CUL1: variants seen among roughly 807,000 people sequenced by gnomAD.
CUL1 encodes cullin 1, also known as cullin-1.
A neutral mutation model predicts 118.0 loss-of-function variants in CUL1; 24 were observed. The ratio of observed to expected loss-of-function variants is 0.20; its 90% confidence interval spans 0.15 to 0.29. CUL1 has a LOEUF of 0.29. Ranked by LOEUF, CUL1 falls within the 10% of genes least tolerant of loss-of-function variation. The pLI is 1.00. For synonymous variants in CUL1, 332 were observed against 340.4 expected (o/e 0.98, Z 0.27); for missense variants, 361 against 933.8 (o/e 0.39, Z 7.99).
Position 148,788,631 on chromosome 7 carries a change from C to T in CUL1, c.1554C>T (p.Asn518=), listed in dbSNP as rs202040105. The T allele has an allele frequency of 6.9e-5, 111 of 1,614,100 alleles. 1 individual carries two copies. The highest frequency in any genetic ancestry group is 1.3e-4 in the South Asian group (12 of 91,078). The part of the protein sequence containing the change: ...FQDIGVSKDL[N]EQFKKHLTNS... ...ACATTGGCGTGAGCAAAGATCTGAA[C>T]GAGCAATTCAAAAAGCACTTGACAA... Residue 518 remains asparagine, a synonymous_variant, in exon 14 of 22, where the codon AAC becomes AAT. Transcript: ENST00000325222.
Position 148,787,641 on chromosome 7 carries a change from C to T in CUL1, c.1479+521C>T, listed in dbSNP as rs1327204716. Among the ~76,000 whole-genome samples the T allele has an allele frequency of 6.6e-6, 1 of 152,108 alleles. No homozygotes were observed. Among genetic ancestry groups the T allele is most frequent in the African/African-American group, 2.4e-5 (1 of 41,416 alleles). On this transcript the variant is annotated intron_variant, in intron 13 of 21. Transcript: ENST00000325222. The surrounding 1 kb of genome is among the most constrained non-coding windows in gnomAD (Gnocchi z 5.5). ...CTTCCCCACCCCACTGTGGGGCTTC[C>T]ATCCTACCCAGGCCTGGCTGGGCTC...
At chr7:148,716,135 G>A (rs1798207572) in intron 1 of CUL1, among the ~76,000 whole-genome samples, 1 of 151,974 alleles carries the variant, frequency 6.6e-6, no homozygotes, top group East Asian at 1.9e-4. Context: ...GCTCCAAGAT[G>A]TTCTTCTAGA....
intron 1 of CUL1, among the ~76,000 whole-genome samples, chr7:148,716,943 G>A (rs1798232712): frequency 6.6e-6 from 1 of 152,122 alleles, no homozygotes; most frequent in Non-Finnish European, 1.5e-5. Flanking sequence ...TAGGTCAAAG[G>A]GTAAATGCAT....
intron 4 of CUL1, among the ~76,000 whole-genome samples, chr7:148,757,489 G>A (rs1799693212): frequency 6.6e-6 from 1 of 152,208 alleles, no homozygotes; most frequent in South Asian, 2.1e-4. Flanking sequence ...GGCAAATCAG[G>A]TGCCATACCT....
intron 1 of CUL1, among the ~76,000 whole-genome samples, chr7:148,699,257 G>C (rs1797629676): frequency 6.6e-6 from 1 of 151,792 alleles, no homozygotes; most frequent in Non-Finnish European, 1.5e-5. Flanking sequence ...GCCGGGCCCT[G>C]AGTCACCCCG....
At chr7:148,766,469 AT>A in intron 7 of CUL1, 91 bp from the exon 8 acceptor site, 2 of 1,134,580 alleles carry the variant, frequency 1.8e-6, no homozygotes, top group Non-Finnish European at 2.5e-6. Context: ...TTAATTTGCC[AT>A]TTTTCAGTTT....
chr7:148,786,475 A>G (rs1247031053), intron 11 of CUL1, 76 bp from the exon 12 acceptor site: 1 of 1,107,206 alleles, frequency 9.0e-7, no homozygotes, highest in Non-Finnish European at 1.4e-6. Context: ...GAATGCTTGA[A>G]GCTGCATTCT....
At chr7:148,798,938 G>A (rs1326255271) in intron 20 of CUL1, among the ~76,000 whole-genome samples, 8 of 152,110 alleles carry the variant, frequency 5.3e-5, no homozygotes, top group African/African-American at 1.9e-4. Flanking sequence ...GAAATGAGGG[G>A]GAAGGAGAGT....
intron 2 of CUL1, among the ~76,000 whole-genome samples, chr7:148,749,415 C>CAAAAAAAA (rs61460309): frequency 2.1e-4 from 12 of 56,426 alleles, no homozygotes; most frequent in African/African-American, 3.5e-4. Flanking sequence ...GACTCCATCT[C>CAAAAAAAA]AAAAAAAAAA....
intron 1 of CUL1, among the ~76,000 whole-genome samples, chr7:148,711,249 A>G (rs572025922): frequency 3.7e-4 from 57 of 152,340 alleles, no homozygotes; most frequent in African/African-American, 1.2e-3. Context: ...AAAAGTTCTT[A>G]GTACTTGATG....
At chr7:148,725,219 G>GCGCGCACACACACACACACA in intron 1 of CUL1, among the ~76,000 whole-genome samples, 44 of 140,148 alleles carry the variant, frequency 3.1e-4, no homozygotes, top group Middle Eastern at 3.7e-3. Context: ...ACACGCGCGC[G>GCGCGCACACACACACACACA]CTCACACACA....
intron 1 of CUL1, among the ~76,000 whole-genome samples, chr7:148,719,515 T>C (rs943070307): frequency 2.0e-5 from 3 of 152,228 alleles, no homozygotes; most frequent in African/African-American, 7.2e-5. Context: ...TGAAGTCTTA[T>C]CTAATTAGAT....
chr7:148,749,176 G>A (rs2129460177), intron 2 of CUL1, among the ~76,000 whole-genome samples: 1 of 152,278 alleles, frequency 6.6e-6, no homozygotes, highest in East Asian at 1.9e-4. Context: ...CAGCACCTTG[G>A]GAGGCAGAGG....
intron 2 of CUL1, among the ~76,000 whole-genome samples, chr7:148,753,299 A>AT (rs1360841538): frequency 3.9e-5 from 6 of 152,204 alleles, no homozygotes; most frequent in Non-Finnish European, 8.8e-5. Context: ...AGCTCATCAT[A>AT]TTTAAAGGAT....
chr7:148,733,739 G>A (rs946404155), intron 2 of CUL1, among the ~76,000 whole-genome samples: 1 of 152,166 alleles, frequency 6.6e-6, no homozygotes, highest in African/African-American at 2.4e-5. Context: ...AAGGAAGTGG[G>A]TTAGAAAGGA....
At chr7:148,795,037 T>C (rs1801138459) in intron 17 of CUL1, among the ~76,000 whole-genome samples, 1 of 152,082 alleles carries the variant, frequency 6.6e-6, no homozygotes, top group Non-Finnish European at 1.5e-5. Flanking sequence ...TTCACCATGT[T>C]GACCAGGCTG....
intron 2 of CUL1, among the ~76,000 whole-genome samples, chr7:148,752,528 T>C (rs1449037532): frequency 6.6e-6 from 1 of 152,232 alleles, no homozygotes; most frequent in Non-Finnish European, 1.5e-5. Context: ...TTTTACCTTT[T>C]AGATTTTCTG....
intron 17 of CUL1, among the ~76,000 whole-genome samples, chr7:148,794,146 G>A (rs1801107248): frequency 6.6e-6 from 1 of 151,458 alleles, no homozygotes. Context: ...CTGTATACTA[G>A]ATCCTTATCA....
chr7:148,793,942 C>T (rs1247880486), intron 17 of CUL1, among the ~76,000 whole-genome samples: 2 of 152,040 alleles, frequency 1.3e-5, no homozygotes, highest in Non-Finnish European at 2.9e-5. Flanking sequence ...TATAGCCATC[C>T]CAGTGGATGT....
Sources: gnomAD v4.1 joint callset for allele counts (sites outside exome capture counted in the v4.1 genomes callset) on GRCh38, gnomAD v4.1.1 for gene constraint, Gnocchi (gnomAD v3.1) non-coding constraint, MANE v1.5 for transcripts, NCBI Gene and HGNC (gene_info 2026-07-23, HGNC 2026-07-21) for gene names.